The following FRMD4A variants were observed in gnomAD, a reference collection of about 807,000 sequenced individuals.
FRMD4A encodes FERM domain-containing protein 4A.
A neutral mutation model predicts 129.1 loss-of-function variants in FRMD4A; 29 were observed. That is an observed-to-expected ratio of 0.22 (90% CI 0.17 to 0.31). The LOEUF is 0.31. FRMD4A is among the 10% of genes least tolerant of loss of function. The pLI is 1.00. For synonymous variants in FRMD4A, 634 were observed against 571.6 expected, an observed-to-expected ratio of 1.11 and a Z score of -1.56; for missense variants, 1,272 against 1,375.8, an observed-to-expected ratio of 0.92 and a Z score of 1.19.
rs17154120 is a variant in FRMD4A at position 13,872,360 on chromosome 10, C to T, written c.46-13448G>A. ...TGGTCATTTGTTGAGGAGGGTACTT[C>T]GTTCAGACAGGACGCTTAGAAGCCC... On this transcript the variant is annotated intron_variant, in intron 2 of 24. Coordinates refer to ENST00000357447, the MANE Select transcript of FRMD4A (RefSeq NM_018027.5). 8.6e-3 allele frequency among the ~76,000 whole-genome samples: 1,305 copies of T among 152,292 alleles called. 19 individuals carry two copies. The highest frequency in any genetic ancestry group is 0.029 in the African/African-American group (1,221 of 41,558).
intron 2 of FRMD4A, among the ~76,000 whole-genome samples, chr10:13,987,151 G>T (rs77192817): frequency 6.6e-6 from 1 of 152,156 alleles, no homozygotes; most frequent in East Asian, 1.9e-4. Flanking sequence ...AGCTGTGTCC[G>T]TCACTGTACT....
chr10:13,718,458 G>A (rs1021857396), intron 12 of FRMD4A, among the ~76,000 whole-genome samples: 1 of 152,254 alleles, frequency 6.6e-6, no homozygotes, highest in South Asian at 2.1e-4. Flanking sequence ...GGCTGCGGCT[G>A]GGCCACGGTC....
At chr10:13,914,331 T>G (rs1326481978) in intron 2 of FRMD4A, among the ~76,000 whole-genome samples, 3 of 152,154 alleles carry the variant, frequency 2.0e-5, no homozygotes, top group African/African-American at 7.2e-5. Context: ...AAATAATATA[T>G]CAAGTTATGA....
chr10:13,932,998 T>G (rs555221290), intron 2 of FRMD4A, among the ~76,000 whole-genome samples: 22 of 152,214 alleles, frequency 1.4e-4, no homozygotes, highest in African/African-American at 5.3e-4. Context: ...CTGTCTCTAC[T>G]AAATATATAA....
intron 2 of FRMD4A, chr10:13,890,824 G>A: frequency 1.0e-6 from 1 of 985,290 alleles, no homozygotes; most frequent in South Asian, 4.7e-5. Context: ...TTCAGAATGA[G>A]GATGTCTATT....
chr10:14,185,652 G>T (rs982739449), intron 2 of FRMD4A, among the ~76,000 whole-genome samples: 2 of 152,186 alleles, frequency 1.3e-5, no homozygotes, highest in African/African-American at 4.8e-5. Flanking sequence ...TGCAGGGGCG[G>T]TTGTTAGCTG....
At chr10:14,247,689 G>T (rs1844293215) in intron 2 of FRMD4A, among the ~76,000 whole-genome samples, 1 of 152,138 alleles carries the variant, frequency 6.6e-6, no homozygotes, top group South Asian at 2.1e-4. Flanking sequence ...TACATTTAGG[G>T]AAGTCCGAGT....
intron 2 of FRMD4A, among the ~76,000 whole-genome samples, chr10:13,914,365 A>G (rs1206853357): frequency 6.6e-6 from 1 of 152,230 alleles, no homozygotes; most frequent in Non-Finnish European, 1.5e-5. Flanking sequence ...TATGCTGATG[A>G]TGAGTACTAG....
At chr10:13,948,586 A>G (rs543537225) in intron 2 of FRMD4A, among the ~76,000 whole-genome samples, 67 of 152,110 alleles carry the variant, frequency 4.4e-4, no homozygotes, top group African/African-American at 1.5e-3. Context: ...ATGGGCAAAA[A>G]GGGTCTGAGC....
At chr10:13,763,249 A>G (rs1012696953) in intron 6 of FRMD4A, among the ~76,000 whole-genome samples, 9 of 152,154 alleles carry the variant, frequency 5.9e-5, no homozygotes, top group African/African-American at 1.9e-4. Context: ...TAATGTTATT[A>G]ATCACTGGAA....
chr10:13,908,501 C>T (rs1054918443), intron 2 of FRMD4A, among the ~76,000 whole-genome samples: 6 of 152,218 alleles, frequency 3.9e-5, no homozygotes, highest in Non-Finnish European at 8.8e-5. Context: ...TTCAACATCA[C>T]ATTTTTGAGA....
chr10:13,990,890 C>T (rs1411062534), intron 2 of FRMD4A, among the ~76,000 whole-genome samples: 1 of 152,118 alleles, frequency 6.6e-6, no homozygotes, highest in African/African-American at 2.4e-5. Context: ...TACGAGATTC[C>T]AGTAATGATG....
chr10:13,980,150 C>G (rs917514708), intron 2 of FRMD4A, among the ~76,000 whole-genome samples: 3 of 152,182 alleles, frequency 2.0e-5, no homozygotes, highest in Admixed American at 6.5e-5. Flanking sequence ...GCATTTTTCT[C>G]TTCTTTCTTA....
rs985616933 is a variant in FRMD4A at position 14,284,302 on chromosome 10, T to C, written c.45+45756A>G. Among the ~76,000 whole-genome samples the C allele has an allele frequency of 3.3e-5, 5 of 152,126 alleles. No homozygotes were observed. The East Asian group carries it at 7.7e-4, about 23-fold the overall frequency. On this transcript the variant is annotated intron_variant, in intron 2 of 24. Coordinates refer to ENST00000357447, the MANE Select transcript of FRMD4A (RefSeq NM_018027.5). ...ATGGAAGTATGCCAAATCACACTTC[T>C]AGATAGTGATGGTGGTAACTGAAAT...
intron 2 of FRMD4A, among the ~76,000 whole-genome samples, chr10:13,935,919 T>C (rs1425716215): frequency 6.6e-6 from 1 of 152,180 alleles, no homozygotes; most frequent in Admixed American, 6.5e-5. Context: ...TTGCATCAGG[T>C]TGCCCTGACC....
chr10:13,655,116 G>C (rs555954127), intron 22 of FRMD4A: 1 of 152,500 alleles, frequency 6.6e-6, no homozygotes, highest in African/African-American at 2.4e-5. Context: ...ACTGATGTAG[G>C]CAGCATGGAA....
At position 13,823,754 on chromosome 10, in the gene FRMD4A, C is replaced by A. The variant is rs571601237; in HGVS notation, c.112-12846G>T. Among the ~76,000 whole-genome samples the A allele has an allele frequency of 5.3e-3, 811 of 152,280 alleles. 8 individuals are homozygous for A. The highest frequency in any genetic ancestry group is 9.1e-3 in the Non-Finnish European group (622 of 68,016). On this transcript the variant is annotated intron_variant, in intron 3 of 24. Coordinates refer to ENST00000357447, the MANE Select transcript of FRMD4A (RefSeq NM_018027.5). ...AAATGACACATTGGCAGATTGGTAC[C>A]TTTCCACGGGGCCAAATGACACCAG...
chr10:14,168,815 C>T (rs1036814553), intron 2 of FRMD4A, among the ~76,000 whole-genome samples: 12 of 152,166 alleles, frequency 7.9e-5, no homozygotes, highest in African/African-American at 2.9e-4. Context: ...AAAAAAGGTA[C>T]ACCCTAGTAA....
At chr10:14,288,705 G>A (rs1845759181) in intron 2 of FRMD4A, among the ~76,000 whole-genome samples, 1 of 152,140 alleles carries the variant, frequency 6.6e-6, no homozygotes, top group South Asian at 2.1e-4. Flanking sequence ...TATAGGCACA[G>A]TGTTATACAG....
Sources: allele counts gnomAD v4.1 joint callset (sites outside exome capture counted in the v4.1 genomes callset), GRCh38; gene constraint gnomAD v4.1.1; transcripts MANE v1.5; gene names NCBI Gene and HGNC (gene_info 2026-07-23, HGNC 2026-07-21).